Variants in ALG9 observed in about 807,000 individuals in gnomAD.
ALG9 encodes alpha-1,2-mannosyltransferase ALG9.
In ALG9, 55 loss-of-function variants were observed where a neutral mutation model predicts 81.8. That is an observed-to-expected ratio of 0.67 (90% CI 0.54 to 0.84). ALG9 has a LOEUF of 0.84. Among genes scored for constraint, ALG9 ranks in the 40% least tolerant of loss-of-function variants. The pLI is 0.00. For missense variants in ALG9, 629 were observed against 745.0 expected (o/e 0.84, Z 1.81); for synonymous variants, 278 against 274.3 (o/e 1.01, Z -0.13).
chr11:111,777,389 A>G (rs1945733089), downstream of ALG9, among the ~76,000 whole-genome samples: 1 of 152,192 alleles, frequency 6.6e-6, no homozygotes, highest in Admixed American at 6.5e-5. Context: ...TTCAACTTAC[A>G]CTGGAATTAC....
At chr11:111,852,489 C>A (rs963364192) in intron 8 of ALG9, among the ~76,000 whole-genome samples, 9 of 152,168 alleles carry the variant, frequency 5.9e-5, no homozygotes, top group African/African-American at 2.2e-4. Flanking sequence ...TAACCCTAAG[C>A]TGGTCAACTT....
intron 14 of ALG9, among the ~76,000 whole-genome samples, chr11:111,789,713 G>C (rs1051753453): frequency 5.3e-5 from 8 of 151,466 alleles, no homozygotes; most frequent in African/African-American, 1.9e-4. Flanking sequence ...CCAGCTACTC[G>C]GGACGCTGAG....
At chr11:111,863,320 T>C (rs1006537810) in intron 4 of ALG9, among the ~76,000 whole-genome samples, 2 of 152,130 alleles carry the variant, frequency 1.3e-5, no homozygotes, top group Non-Finnish European at 2.9e-5. Flanking sequence ...ATCATGCCAC[T>C]GCACTCCAGC....
At chr11:111,827,834 T>A (rs1364348369) in intron 13 of ALG9, among the ~76,000 whole-genome samples, 1 of 148,212 alleles carries the variant, frequency 6.7e-6, no homozygotes, top group African/African-American at 2.5e-5. Context: ...GCCACTGCAC[T>A]CTGGCCTGGG....
At chr11:111,863,172 C>T (rs1300408969) in intron 4 of ALG9, among the ~76,000 whole-genome samples, 1 of 152,018 alleles carries the variant, frequency 6.6e-6, no homozygotes, top group East Asian at 1.9e-4. Context: ...GAGACCAAGA[C>T]ACGGTGAAAC....
chr11:111,845,045 A>G, intron 8 of ALG9: 1 of 295,896 alleles, frequency 3.4e-6, no homozygotes, highest in Non-Finnish European at 6.6e-6. Context: ...CAAATAATTT[A>G]AATCGCTTTA....
At chr11:111,840,201 C>T (rs886313680) in intron 10 of ALG9, among the ~76,000 whole-genome samples, 1 of 152,142 alleles carries the variant, frequency 6.6e-6, no homozygotes, top group Non-Finnish European at 1.5e-5. Flanking sequence ...CTACTGAAGC[C>T]GTAAGTACAG....
intron 4 of ALG9, among the ~76,000 whole-genome samples, chr11:111,863,624 C>CTAAATAAAAATTTAAATAA (rs1961161247): frequency 6.6e-6 from 1 of 152,106 alleles, no homozygotes; most frequent in African/African-American, 2.4e-5. Context: ...ATTACTAAAG[C>CTAAATAAAAATTTAAATAA]ATTATTAAAA....
At chr11:111,786,878 C>T (rs1048409907) in intron 14 of ALG9, among the ~76,000 whole-genome samples, 1 of 152,124 alleles carries the variant, frequency 6.6e-6, no homozygotes, top group African/African-American at 2.4e-5. Flanking sequence ...ATCTAAGAAA[C>T]TGTAGAGATG....
chr11:111,871,201 G>A, intron 1 of ALG9, 151 bp downstream of exon 1: 2 of 1,303,054 alleles, frequency 1.5e-6, no homozygotes, highest in Non-Finnish European at 9.7e-7. Context: ...CGCCCAGGAA[G>A]ACCAATAGGA....
At chr11:111,862,368 G>A (rs1254565912) in intron 4 of ALG9, among the ~76,000 whole-genome samples, 2 of 151,524 alleles carry the variant, frequency 1.3e-5, no homozygotes, top group African/African-American at 2.4e-5. Context: ...CAAGTAGCTG[G>A]GGCTATAGGC....
At chr11:111,775,669 G>A in the ALG9 span, among the ~76,000 whole-genome samples, 2 of 152,140 alleles carry the variant, frequency 1.3e-5, no homozygotes, top group African/African-American at 4.8e-5. Flanking sequence ...AAGCCCGGGA[G>A]TTTGAGGCCA....
intron 13 of ALG9, among the ~76,000 whole-genome samples, chr11:111,819,324 T>C (rs1213368858): frequency 6.6e-6 from 1 of 152,244 alleles, no homozygotes; most frequent in Non-Finnish European, 1.5e-5. Flanking sequence ...ATGACGCAAG[T>C]AGCTGTAAAA....
At chr11:111,837,771 A>G (rs1411714282) in intron 11 of ALG9, among the ~76,000 whole-genome samples, 156 bp from the exon 12 acceptor site, 1 of 152,228 alleles carries the variant, frequency 6.6e-6, no homozygotes, top group Non-Finnish European at 1.5e-5. Context: ...CTGCAGGTAT[A>G]AAATGTCTCT....
At chr11:111,821,442 G>C (rs1952356997) in intron 13 of ALG9, among the ~76,000 whole-genome samples, 1 of 152,178 alleles carries the variant, frequency 6.6e-6, no homozygotes, top group Non-Finnish European at 1.5e-5. Context: ...TACCATGCCA[G>C]ACTAGAGTCA....
chr11:111,864,903 G>A (rs900476187), intron 4 of ALG9, among the ~76,000 whole-genome samples: 1 of 151,860 alleles, frequency 6.6e-6, no homozygotes, highest in African/African-American at 2.4e-5. Context: ...TCAGCCTCCC[G>A]AGTAGCTGGG....
chr11:111,789,012 T>TC (rs1946930670), intron 14 of ALG9, among the ~76,000 whole-genome samples: 1 of 136,192 alleles, frequency 7.3e-6, no homozygotes, highest in African/African-American at 2.5e-5. Context: ...ACTTTCTTTT[T>TC]TTTTTTTCCC....
intron 14 of ALG9, among the ~76,000 whole-genome samples, chr11:111,799,727 T>C (rs1948828325): frequency 6.6e-6 from 1 of 152,222 alleles, no homozygotes; most frequent in Admixed American, 6.5e-5. Flanking sequence ...TATTTCAATT[T>C]ATCCAGGACA....
intron 14 of ALG9, among the ~76,000 whole-genome samples, chr11:111,801,005 T>TA (rs1456818999): frequency 6.6e-6 from 1 of 152,224 alleles, no homozygotes; most frequent in Non-Finnish European, 1.5e-5. Flanking sequence ...ATAGGCCTAT[T>TA]AAAACCTTTT....
Sources: allele counts gnomAD v4.1 joint callset (sites outside exome capture counted in the v4.1 genomes callset), GRCh38; gene constraint gnomAD v4.1.1; transcripts MANE v1.5; gene names NCBI Gene and HGNC (gene_info 2026-07-23, HGNC 2026-07-21).